AK8: variants seen among roughly 807,000 people sequenced by gnomAD.
AK8 encodes the protein ATP-AMP transphosphorylase 8.
AK8 carries 44 observed loss-of-function variants against 54.6 expected under a neutral mutation model. That is an observed-to-expected ratio of 0.81 (90% CI 0.63 to 1.04). AK8 has a LOEUF of 1.04. Ranked by LOEUF, AK8 falls within the 50% of genes least tolerant of loss-of-function variation. The pLI is 0.00. For missense variants in AK8, 555 were observed against 613.6 expected, an observed-to-expected ratio of 0.90 and a Z score of 1.01; for synonymous variants, 239 against 245.6, an observed-to-expected ratio of 0.97 and a Z score of 0.25.
At chr9:132,810,276 T>A (rs1294927516) in intron 10 of AK8, among the ~76,000 whole-genome samples, 7 of 152,130 alleles carry the variant, frequency 4.6e-5, no homozygotes, top group Non-Finnish European at 8.8e-5. Context: ...GAAGAAAAAA[T>A]TTAGCATGAA....
chr9:132,849,719 G>A (rs965954857), intron 5 of AK8, among the ~76,000 whole-genome samples: 4 of 152,186 alleles, frequency 2.6e-5, no homozygotes. Flanking sequence ...CAGCATGCTG[G>A]AAAGATTCCT....
At position 132,749,960 on chromosome 9, in the gene AK8, C is replaced by T. The variant is rs72773432; in HGVS notation, c.1122-22426G>A. ...CCTCCTTCCTCTGTCTTCCTTACCTCGAGATACTGACAGCACACTCCTAGA... is the reference window on the plus strand; with the variant it reads ...CCTCCTTCCTCTGTCTTCCTTACCTTGAGATACTGACAGCACACTCCTAGA... On this transcript the variant is annotated intron_variant, in intron 11 of 12. Coordinates refer to ENST00000298545, the MANE Select transcript of AK8 (RefSeq NM_152572.3). Among the ~76,000 whole-genome samples the T allele has an allele frequency of 5.9e-3, 868 of 146,988 alleles. 19 individuals carry two copies. The highest frequency in any genetic ancestry group is 0.04 in the Middle Eastern group (11 of 278).
At chr9:132,773,681 C>T (rs781137064) in intron 11 of AK8, among the ~76,000 whole-genome samples, 3 of 152,208 alleles carry the variant, frequency 2.0e-5, no homozygotes, top group Non-Finnish European at 4.4e-5. Context: ...CATCACACAG[C>T]CCATAGATGG....
intron 11 of AK8, among the ~76,000 whole-genome samples, chr9:132,775,415 G>T (rs780544601): frequency 2.6e-5 from 4 of 152,086 alleles, no homozygotes; most frequent in Non-Finnish European, 5.9e-5. Context: ...CGATTCTCCT[G>T]CCTCAGCCTC....
rs578068952 is a variant in AK8 at position 132,757,208 on chromosome 9, C to T, written c.1122-29674G>A. 3.9e-5 allele frequency among the ~76,000 whole-genome samples: 6 copies of T among 152,270 alleles called. No homozygotes were observed. In the South Asian group the frequency reaches 1.0e-3, roughly 26 times the overall value. On this transcript the variant is annotated intron_variant, in intron 11 of 12. Transcript: ENST00000298545. ...GCCACGGGGACCTGGTGATTCCCACCGTTAGCGGGAGAGAAGCTTCCACAG... is the reference window on the plus strand; with the variant it reads ...GCCACGGGGACCTGGTGATTCCCACTGTTAGCGGGAGAGAAGCTTCCACAG...
At chr9:132,825,804 G>A (rs965151397) in intron 8 of AK8, among the ~76,000 whole-genome samples, 2 of 152,224 alleles carry the variant, frequency 1.3e-5, no homozygotes, top group Non-Finnish European at 2.9e-5. Flanking sequence ...AGAGTTTTGA[G>A]AGAATATATG....
chr9:132,850,993 A>G lies in AK8; in HGVS notation c.402+3864T>C, dbSNP rs761245026. 3.3e-5 allele frequency among the ~76,000 whole-genome samples: 5 copies of G among 152,100 alleles called. No homozygotes were observed. The East Asian group carries it at 9.6e-4, about 29-fold the overall frequency. ...ACCCCACTGAAAGTAGCTGTAATAC[A>G]TTCATAAAACACACAGGGCAGCTAT... On this transcript the variant is annotated intron_variant, in intron 5 of 12. Transcript: ENST00000298545.
chr9:132,869,209 T>C (rs1457876606), intron 2 of AK8, among the ~76,000 whole-genome samples: 1 of 152,138 alleles, frequency 6.6e-6, no homozygotes, highest in East Asian at 1.9e-4. Flanking sequence ...CTATGTCTAT[T>C]TATCTATCTA....
rs560015328 is a variant in AK8 at position 132,820,037 on chromosome 9, C to A, written c.889+3168G>T. The stretch of plus-strand genomic sequence containing the variant: ...GAGCATGGTGGCATACACCTGTAGT[C>A]CCAGCTACTTGGGAGGCTGAGGCGG... On this transcript the variant is annotated intron_variant, in intron 9 of 12. Coordinates refer to ENST00000298545, the MANE Select transcript of AK8 (RefSeq NM_152572.3). Among the ~76,000 whole-genome samples the A allele has an allele frequency of 1.0e-3, 153 of 151,504 alleles. 1 individual carries two copies. The highest frequency in any genetic ancestry group is 3.3e-3 in the African/African-American group (137 of 41,244).
At chr9:132,809,246 G>A (rs1840878165) in intron 10 of AK8, among the ~76,000 whole-genome samples, 1 of 152,196 alleles carries the variant, frequency 6.6e-6, no homozygotes, top group African/African-American at 2.4e-5. Context: ...GTATATGGGA[G>A]AGCACCAACC....
In AK8 at chr9:132,798,075, T is replaced by C. The variant is rs573536911; in HGVS notation, c.980-5300A>G. Among the ~76,000 whole-genome samples the C allele has an allele frequency of 1.6e-4, 24 of 152,314 alleles. No individual in the cohort carries two copies. In the East Asian group the frequency reaches 4.6e-3, roughly 29 times the overall value. The stretch of plus-strand genomic sequence containing the variant: ...CTGGTCCTCTCCCAGCGCACAGGGA[T>C]CCTGGATCCTGGTAGGGCTCTCCCA... On this transcript the variant is annotated intron_variant, in intron 10 of 12. Transcript: ENST00000298545.
intron 7 of AK8, chr9:132,827,279 G>A (rs1841913470): frequency 5.0e-6 from 3 of 599,692 alleles, no homozygotes; most frequent in South Asian, 4.0e-5. Flanking sequence ...CCCAGGGCAA[G>A]GGCTGCCGTG....
chr9:132,855,180 T>C (rs1222318448), intron 4 of AK8, among the ~76,000 whole-genome samples: 1 of 152,102 alleles, frequency 6.6e-6, no homozygotes, highest in East Asian at 1.9e-4. Context: ...CACCTCCACC[T>C]GAATAACTCC....
intron 11 of AK8, among the ~76,000 whole-genome samples, chr9:132,771,364 A>G (rs1229300673): frequency 6.6e-6 from 1 of 152,194 alleles, no homozygotes; most frequent in Admixed American, 6.5e-5. Context: ...CTGTCAACAG[A>G]ACGGGCCAGG....
At chr9:132,829,259 A>G (rs567358923) in intron 5 of AK8, among the ~76,000 whole-genome samples, 1 of 151,606 alleles carries the variant, frequency 6.6e-6, no homozygotes, top group Admixed American at 6.6e-5. Context: ...TGCCTGGCCT[A>G]CATCTTGATT....
chr9:132,871,759 G>C (rs570139954), intron 2 of AK8, among the ~76,000 whole-genome samples: 2 of 152,354 alleles, frequency 1.3e-5, no homozygotes, highest in African/African-American at 2.4e-5. Context: ...CGGATGAAGG[G>C]AAAGGGGCGC....
rs1840346382 is a variant in AK8, at chr9:132,799,598, C to CTTG, written c.980-6824_980-6823insCAA. The stretch of plus-strand genomic sequence containing the variant: ...ATGTGCTCATGCACTCAGCTACAAA[C>CTTG]ACACACACACACACACCACACACCC... On this transcript the variant is annotated intron_variant, in intron 10 of 12. Coordinates refer to ENST00000298545, the MANE Select transcript of AK8 (RefSeq NM_152572.3). This position sits in a 1 kb window ranked among gnomAD's most constrained non-coding sequence, Gnocchi z 5.0. 6.9e-6 allele frequency among the ~76,000 whole-genome samples: 1 copy of CTTG among 144,036 alleles called. No individual in the cohort carries two copies. The highest frequency in any genetic ancestry group is 6.7e-5 in the Admixed American group (1 of 14,872). The allele number at this position is 144,036 out of a possible 152,430, so 94.5% of individuals were successfully genotyped here. A position where few individuals can be genotyped will look rare whatever the true frequency, so the allele number is the denominator to read the frequency against.
chr9:132,833,082 G>A (rs761010152), intron 5 of AK8, among the ~76,000 whole-genome samples: 1 of 152,180 alleles, frequency 6.6e-6, no homozygotes, highest in Non-Finnish European at 1.5e-5. Flanking sequence ...GCCAGCCCAC[G>A]CTGGTCCACA....
intron 1 of AK8, 160 bp from the exon 2 acceptor site, chr9:132,875,359 C>T (rs1220862892): frequency 1.0e-6 from 1 of 978,528 alleles, no homozygotes; most frequent in East Asian, 1.1e-4. Context: ...CTTGGGTCCC[C>T]ATGAGCAGAG....
Sources: allele counts gnomAD v4.1 joint callset (sites outside exome capture counted in the v4.1 genomes callset), GRCh38; gene constraint gnomAD v4.1.1; non-coding constraint Gnocchi (gnomAD v3.1); transcripts MANE v1.5; gene names NCBI Gene and HGNC (gene_info 2026-07-23, HGNC 2026-07-21).